Variants in RRAGD observed in about 807,000 individuals in gnomAD.
RRAGD encodes the protein Ras related GTP binding D.
In RRAGD, 12 loss-of-function variants were observed where a neutral mutation model predicts 35.5. The ratio of observed to expected loss-of-function variants is 0.34; its 90% CI spans 0.22 to 0.55. The LOEUF (loss-of-function observed/expected upper bound fraction) is 0.55. Among genes scored for constraint, RRAGD ranks in the 20% least tolerant of loss-of-function variants. The pLI is 0.91. For synonymous variants in RRAGD, 155 were observed against 178.9 expected (o/e 0.87, Z 1.07); for missense variants, 324 against 490.1 (o/e 0.66, Z 3.20).
chr6:89,365,307 C>T lies in RRAGD; in HGVS notation c.*2749G>A, dbSNP rs1768719978. On this transcript the variant is annotated 3_prime_UTR_variant, in exon 7 of 7. Transcript: ENST00000369415. ...ATTGACTCAACAGGGAAAGGACTGC[C>T]CTGCTCCTTTTGAGGAAGGAAACCT... is the stretch of plus-strand genomic sequence containing the variant. 1 of 152,174 alleles carries T rather than the reference C, an allele frequency of 6.6e-6. No individual in the cohort carries two copies. The highest frequency in any genetic ancestry group is 2.4e-5 in the African/African-American group (1 of 41,436). The allele number at this position is 152,174 out of a possible 1,614,324, so 9.4% of individuals were successfully genotyped here.
chr6:89,376,308 T>C (rs1482122060), intron 5 of RRAGD, among the ~76,000 whole-genome samples: 16 of 24,250 alleles, frequency 6.6e-4, no homozygotes, highest in African/African-American at 5.8e-3. Context: ...GTGGTGTGTG[T>C]GTGTGTGTGT....
intron 2 of RRAGD, among the ~76,000 whole-genome samples, chr6:89,384,973 G>C (rs374438552): frequency 6.6e-6 from 1 of 152,078 alleles, no homozygotes; most frequent in East Asian, 1.9e-4. Context: ...AGGATCACTT[G>C]AGCCCAGGAC....
chr6:89,394,191 C>T (rs1173256331), intron 1 of RRAGD, among the ~76,000 whole-genome samples: 1 of 150,970 alleles, frequency 6.6e-6, no homozygotes, highest in Non-Finnish European at 1.5e-5. Flanking sequence ...TGAACAGACT[C>T]ACAAAATAAA....
chr6:89,392,223 C>T (rs965746003), intron 1 of RRAGD, among the ~76,000 whole-genome samples: 10 of 151,924 alleles, frequency 6.6e-5, no homozygotes, highest in African/African-American at 2.4e-4. Flanking sequence ...CCTATAATGC[C>T]AGCACTTTGG....
chr6:89,402,248 AT>A (rs1017495994), intron 1 of RRAGD, among the ~76,000 whole-genome samples: 1 of 151,760 alleles, frequency 6.6e-6, no homozygotes, highest in African/African-American at 2.4e-5. Flanking sequence ...AGGCTTCACC[AT>A]GTTGGCCAGG....
At chr6:89,380,110 C>G (rs1392734597) in intron 3 of RRAGD, 58 bp downstream of exon 3, 1 of 1,541,000 alleles carries the variant, frequency 6.5e-7, no homozygotes, top group Non-Finnish European at 9.0e-7. Flanking sequence ...TGACTCCGAA[C>G]CCCAAACTTG....
chr6:89,372,665 T>A, intron 5 of RRAGD, 80 bp from the exon 6 acceptor site: 1 of 1,392,164 alleles, frequency 7.2e-7, no homozygotes, highest in Non-Finnish European at 9.6e-7. Flanking sequence ...AGACCGGCTT[T>A]AAGCCACAAA....
intron 1 of RRAGD, among the ~76,000 whole-genome samples, chr6:89,391,621 C>T (rs1769236211): frequency 6.6e-6 from 1 of 152,098 alleles, no homozygotes; most frequent in African/African-American, 2.4e-5. Flanking sequence ...TAGAGAGCGA[C>T]TGTTAACTGG....
rs1277816080 is a variant in RRAGD, at chr6:89,380,334, G to A, written c.478C>T (p.Leu160Phe). The A allele has an allele frequency of 1.4e-5, 23 of 1,614,112 alleles. No individual in the cohort carries two copies. The highest frequency in any genetic ancestry group is 1.8e-5 in the Non-Finnish European group (21 of 1,180,058). Residue 160 changes from leucine to phenylalanine, a missense_variant, in exon 3 of 7, where the codon CTC (leucine) becomes TTC (phenylalanine). Around this residue, in one of 5 missense-constraint regions of RRAGD, gnomAD observed 152 missense variants for 296.9 expected, o/e 0.51. Coordinates refer to ENST00000369415, the MANE Select transcript of RRAGD (RefSeq NM_021244.5). ...ACTTTGTAGGCCCTGGTCACCGTGA[G>A]GTGGAGCCTGGCCAGGGCTTCCATG... is the stretch of plus-strand genomic sequence containing the variant. ...DYMEALARLH[L>F]TVTRAYKVNT...
chr6:89,406,226 T>TA (rs1319194137), intron 1 of RRAGD, among the ~76,000 whole-genome samples: 2 of 152,118 alleles, frequency 1.3e-5, no homozygotes, highest in East Asian at 3.9e-4. Context: ...GTGGTCCCTT[T>TA]AAACGGTATG....
chr6:89,402,160 G>A (rs1769483511), intron 1 of RRAGD, among the ~76,000 whole-genome samples: 1 of 146,830 alleles, frequency 6.8e-6, no homozygotes. Flanking sequence ...CAGTTCTCCT[G>A]CCTCAGCCTC....
intron 1 of RRAGD, among the ~76,000 whole-genome samples, chr6:89,389,032 A>C (rs1220624190): frequency 6.6e-6 from 1 of 152,172 alleles, no homozygotes; most frequent in Non-Finnish European, 1.5e-5. Flanking sequence ...AATACAGACG[A>C]AACTTCGCTT....
chr6:89,377,721 C>T lies in RRAGD; in HGVS notation c.852G>A (p.Glu284=). Residue 284 remains glutamate (E), a synonymous_variant, in exon 5 of 7, where the codon GAG becomes GAA. Transcript: ENST00000369415. ...CCACATCTATCATATCACAGCAGAG[C>T]TCATAGGTTTGCATATCCACCGGAG... ...DSTPVDMQTY[E]LCCDMIDVVI... 3 of 1,612,820 alleles carry T rather than the reference C, an allele frequency of 1.9e-6. No homozygotes were observed.
intron 1 of RRAGD, among the ~76,000 whole-genome samples, chr6:89,408,645 G>A (rs1479154495): frequency 2.0e-5 from 3 of 152,184 alleles, no homozygotes; most frequent in Non-Finnish European, 4.4e-5. Context: ...GGTGCGCACA[G>A]GCTGCTATGA....
intron 1 of RRAGD, among the ~76,000 whole-genome samples, chr6:89,401,664 A>C (rs1416055529): frequency 3.9e-5 from 6 of 152,018 alleles, no homozygotes; most frequent in Admixed American, 6.6e-5. Context: ...GCCTTCCAGA[A>C]GGTTCCTCAG....
rs1172929218 is a variant in RRAGD, at chr6:89,366,306, T to C, written c.*1750A>G. ...ATTTGAGGAGGCCAAGGCAGGAGGA[T>C]TGCTTGGGGCCAGGAGTTTGAGACC... On this transcript the variant is annotated 3_prime_UTR_variant, in exon 7 of 7. Transcript: ENST00000369415. The C allele has an allele frequency of 2.0e-5, 3 of 152,122 alleles. No homozygotes were observed. The highest frequency in any genetic ancestry group is 7.3e-5 in the African/African-American group (3 of 41,358). The allele number at this position is 152,122 out of a possible 1,614,324, so 9.4% of individuals were successfully genotyped here.
chr6:89,387,419 T>C lies in RRAGD; in HGVS notation c.320A>G (p.Asn107Ser). The change falls in exon 2 of 7, where the codon AAC becomes AGC. Residue 107 changes from asparagine to serine, a missense_variant. Coordinates refer to ENST00000369415, the MANE Select transcript of RRAGD (RefSeq NM_021244.5). ...AATCTGAAAATTGACAAAGGAGCTG[T>C]TGGAAACATCTTCCCGGCATATCTT... ...TNKICREDVS[N>S]SSFVNFQIWD... The C allele has an allele frequency of 1.9e-6, 3 of 1,614,214 alleles. No individual in the cohort carries two copies. The highest frequency in any genetic ancestry group is 2.5e-6 in the Non-Finnish European group (3 of 1,180,038).
intron 1 of RRAGD, among the ~76,000 whole-genome samples, chr6:89,403,931 T>C (rs1342555365): frequency 6.6e-6 from 1 of 152,204 alleles, no homozygotes; most frequent in Non-Finnish European, 1.5e-5. Context: ...GTGTTGGGAT[T>C]ACAGGCATTA....
chr6:89,411,288 T>A lies in RRAGD; in HGVS notation c.148+558A>T, dbSNP rs1478312785. Reference sequence around the variant, plus strand: ...GCCTCTCGGAGACTCCCACAACAGCTTGGCGAGCATCCCCCCGCCGCCCCG... The same window carrying A: ...GCCTCTCGGAGACTCCCACAACAGCATGGCGAGCATCCCCCCGCCGCCCCG... On this transcript the variant is annotated intron_variant, in intron 1 of 6. Transcript: ENST00000369415. This position sits in a 1 kb window ranked among gnomAD's most constrained non-coding sequence, Gnocchi z 5.6. 1 of 152,316 alleles carries A rather than the reference T, an allele frequency of 6.6e-6. No homozygotes were observed. Among genetic ancestry groups the A allele is most frequent in the Non-Finnish European group, 1.5e-5 (1 of 68,112 alleles). 9.4% of individuals were successfully genotyped at this position (152,316 alleles called of 1,614,324 possible). A position where few individuals can be genotyped will look rare whatever the true frequency, so the allele number is the denominator to read the frequency against.
Sources: gnomAD v4.1 joint callset for allele counts (sites outside exome capture counted in the v4.1 genomes callset) on GRCh38, gnomAD v4.1.1 for gene constraint, gnomAD v4.1.1 regional missense constraint, Gnocchi (gnomAD v3.1) non-coding constraint, MANE v1.5 for transcripts, NCBI Gene and HGNC (gene_info 2026-07-23, HGNC 2026-07-21) for gene names.